The following HERC3 variants were observed in gnomAD, a reference collection of about 807,000 sequenced individuals.
The protein encoded by HERC3 is HECT and RLD domain containing E3 ubiquitin protein ligase 3.
In HERC3, 58 loss-of-function variants were observed where a neutral mutation model predicts 129.9. The observed-to-expected ratio is 0.45, with a 90% confidence interval of 0.36 to 0.56. The LOEUF is 0.56. Ranked by LOEUF, HERC3 falls within the 20% of genes least tolerant of loss-of-function variation. The pLI, the probability that HERC3 is intolerant of heterozygous loss-of-function variation, is 0.00. For missense variants in HERC3, 835 were observed against 1,244.2 expected, an observed-to-expected ratio of 0.67 and a Z score of 4.95; for synonymous variants, 430 against 451.0, an observed-to-expected ratio of 0.95 and a Z score of 0.59.
At chr4:88,633,557 C>T (rs1012330073) in intron 3 of HERC3, among the ~76,000 whole-genome samples, 1 of 151,688 alleles carries the variant, frequency 6.6e-6, no homozygotes, top group Admixed American at 6.6e-5. Flanking sequence ...GTAGAAAACA[C>T]AATAGATACA....
chr4:88,664,172 T>C lies in HERC3; in HGVS notation c.1291T>C (p.Ser431Pro). Residue 431 changes from serine to proline, a missense_variant, in exon 12 of 26, where the codon TCT (serine) becomes CCT (proline). Physicochemically the swap from Ser to Pro is moderately conservative, Grantham distance 74 (BLOSUM62 -1). Transcript: ENST00000402738. ...GAGCAGTGGTGTTGTTCAGATATTA[T>C]CTTCTGCAGCCTGTTGGAATGGAAG... ...NTINGVVQIL[S>P]SAACWNGSFL... The C allele has an allele frequency of 6.2e-7, 1 of 1,613,398 alleles. No individual in the cohort carries two copies. The highest frequency in any genetic ancestry group is 8.5e-7 in the Non-Finnish European group (1 of 1,179,612).
In HERC3 at chr4:88,706,886, T is replaced by TA. The variant is rs1190585568; in HGVS notation, c.3080dup (p.Tyr1027Ter). ...CTACAACCTTCTTGACCTCCCCAAG[T>TA]ACAGCAGCAAAGAGATTCTGAGTGC... The part of the protein sequence containing the change: ...TCYNLLDLPK[Y>*]SSKEILSARL... Residue 1027 changes from tyrosine to a stop codon, truncating the protein, a stop_gained and frameshift_variant, in exon 26 of 26, where the codon TAC becomes TAAC. Transcript: ENST00000402738. LOFTEE classifies it high-confidence loss of function. The TA allele has an allele frequency of 6.2e-7, 1 of 1,614,184 alleles. No homozygotes were observed. Among genetic ancestry groups the TA allele is most frequent in the East Asian group, 2.2e-5 (1 of 44,876 alleles).
At chr4:88,533,349 G>A in the HERC3 span, among the ~76,000 whole-genome samples, 1 of 151,994 alleles carries the variant, frequency 6.6e-6, no homozygotes, top group Non-Finnish European at 1.5e-5. Context: ...ATCTCCTTTG[G>A]CAACACCCTC....
chr4:88,645,714 A>G (rs1040083046), intron 3 of HERC3, among the ~76,000 whole-genome samples: 2 of 152,182 alleles, frequency 1.3e-5, no homozygotes, highest in African/African-American at 4.8e-5. Flanking sequence ...CGGGACAGTG[A>G]GAGATTTCAT....
At chr4:88,620,250 ATTATC>A (rs1725366675) in intron 3 of HERC3, among the ~76,000 whole-genome samples, 1 of 152,226 alleles carries the variant, frequency 6.6e-6, no homozygotes, top group East Asian at 1.9e-4. Flanking sequence ...TGACTCACAA[ATTATC>A]TTCAGCCTCA....
chr4:88,637,587 T>G lies in HERC3; in HGVS notation c.227-12253T>G, dbSNP rs181007894. 2.6e-3 allele frequency among the ~76,000 whole-genome samples: 397 copies of G among 152,236 alleles called. 1 individual carries two copies. Among genetic ancestry groups the G allele is most frequent in the Admixed American group, 5.4e-3 (82 of 15,286 alleles). ...TGTACCAGAATCTCTGGGACACAGC[T>G]AAAGAAAGCAGTGTTAAGAGGGAAA... On this transcript the variant is annotated intron_variant, in intron 3 of 25. Transcript: ENST00000402738.
the HERC3 span, among the ~76,000 whole-genome samples, chr4:88,566,244 G>T: frequency 1.3e-5 from 2 of 151,954 alleles, no homozygotes; most frequent in African/African-American, 2.4e-5. Context: ...TTCTGTTTCT[G>T]TGTTTCTTTT....
At chr4:88,665,409 A>G (rs778455990) in intron 12 of HERC3, among the ~76,000 whole-genome samples, 17 of 152,336 alleles carry the variant, frequency 1.1e-4, no homozygotes, top group Non-Finnish European at 2.4e-4. Context: ...CAAAGACCAC[A>G]GAACCTGGAG....
At chr4:88,539,920 A>G in the HERC3 span, among the ~76,000 whole-genome samples, 1 of 152,170 alleles carries the variant, frequency 6.6e-6, no homozygotes, top group Admixed American at 6.5e-5. Context: ...TCCACACCAA[A>G]ACTCTATCTG....
chr4:88,688,933 G>A (rs1388931124), intron 23 of HERC3, among the ~76,000 whole-genome samples: 1 of 152,158 alleles, frequency 6.6e-6, no homozygotes, highest in Non-Finnish European at 1.5e-5. Context: ...CTGGCTTAAG[G>A]AAAGAGCGGG....
the HERC3 span, among the ~76,000 whole-genome samples, chr4:88,543,865 A>T: frequency 1.6e-4 from 24 of 152,378 alleles, no homozygotes; most frequent in African/African-American, 4.6e-4. Context: ...CTGGCTAGCC[A>T]TATGCAGAAA....
intron 3 of HERC3, among the ~76,000 whole-genome samples, chr4:88,635,413 ACT>A (rs1414848419): frequency 1.3e-5 from 2 of 151,876 alleles, no homozygotes; most frequent in African/African-American, 4.8e-5. Context: ...GAGATGGAAG[ACT>A]CTCTTGCTGA....
chr4:88,664,087 G>T, intron 11 of HERC3, 66 bp from the exon 12 acceptor site: 1 of 1,358,452 alleles, frequency 7.4e-7, no homozygotes, highest in South Asian at 1.3e-5. Context: ...CTTTATTATT[G>T]ATGCTTAAAT....
intron 3 of HERC3, among the ~76,000 whole-genome samples, chr4:88,625,195 T>C (rs1481089694): frequency 6.6e-6 from 1 of 152,176 alleles, no homozygotes; most frequent in South Asian, 2.1e-4. Flanking sequence ...GTCTTTTGAT[T>C]TTGCATGTAA....
rs1732708299 is a variant in HERC3, at chr4:88,680,925, A to G, written c.2341-234A>G. On this transcript the variant is annotated intron_variant, in intron 20 of 25. Transcript: ENST00000402738. ...AAGTTCTGTTGGATGGCCCTGCTCT[A>G]GATGACTGTGAGCTGTTCTCTGTAT... is the stretch of plus-strand genomic sequence containing the variant. The G allele has an allele frequency of 7.5e-6, 5 of 666,524 alleles. No individual in the cohort carries two copies. In the South Asian group the frequency reaches 2.7e-4, roughly 36 times the overall value. 41.3% of individuals were successfully genotyped at this position (666,524 alleles called of 1,614,324 possible). A position where few individuals can be genotyped will look rare whatever the true frequency, so the allele number is the denominator to read the frequency against.
chr4:88,562,477 T>C, the HERC3 span, among the ~76,000 whole-genome samples: 2 of 152,200 alleles, frequency 1.3e-5, no homozygotes, highest in Non-Finnish European at 2.9e-5. Flanking sequence ...TTGTTGATTG[T>C]ATCCTTTGCT....
intron 3 of HERC3, among the ~76,000 whole-genome samples, chr4:88,643,123 A>C (rs937147103): frequency 6.6e-6 from 1 of 152,244 alleles, no homozygotes; most frequent in Admixed American, 6.5e-5. Flanking sequence ...CTGGAATAAA[A>C]AATACAATTT....
At chr4:88,696,117 T>G (rs1023369628) in intron 23 of HERC3, 2 of 152,624 alleles carry the variant, frequency 1.3e-5, no homozygotes, top group African/African-American at 4.8e-5. Flanking sequence ...CATTTTATAA[T>G]TAATATGTCA....
chr4:88,552,108 G>A, the HERC3 span, among the ~76,000 whole-genome samples: 3 of 148,956 alleles, frequency 2.0e-5, no homozygotes. Context: ...CACAGGAAGG[G>A]GAACATCACA....
Sources: gnomAD v4.1 joint callset for allele counts (sites outside exome capture counted in the v4.1 genomes callset) on GRCh38, gnomAD v4.1.1 for gene constraint, MANE v1.5 for transcripts, NCBI Gene and HGNC (gene_info 2026-07-23, HGNC 2026-07-21) for gene names.